The following COX19 variants were observed in gnomAD, a reference collection of about 807,000 sequenced individuals.
COX19 encodes cytochrome c oxidase assembly factor COX19, also known as cytochrome c oxidase assembly protein COX19.
COX19 carries 8 observed loss-of-function variants against 6.8 expected under a neutral mutation model. The observed-to-expected ratio is 1.18, with a 90% confidence interval of 0.69 to 2.12. The LOEUF is 2.12. Ranked by LOEUF, COX19 falls within the 30% of genes most tolerant of loss-of-function variation. COX19 has a pLI of 0.00. For synonymous variants in COX19, 51 were observed against 38.0 expected (o/e 1.34, Z -1.26); for missense variants, 131 against 104.6 (o/e 1.25, Z -1.10).
chr7:967,274 G>T lies in COX19; in HGVS notation c.*2104C>A, dbSNP rs1236231113. ...GGCTTCGGCACCTGCTGGGGTCTCG[G>T]AGCACACCCTGGCCAGGTGAGGGCG... On this transcript the variant is annotated 3_prime_UTR_variant, in exon 3 of 3. Coordinates refer to ENST00000344111, the MANE Select transcript of COX19 (RefSeq NM_001031617.3). The T allele has an allele frequency of 6.6e-6, 1 of 152,206 alleles. No homozygotes were observed. The highest frequency in any genetic ancestry group is 1.5e-5 in the Non-Finnish European group (1 of 68,040). The allele number at this position is 152,206 out of a possible 1,614,324, so 9.4% of individuals were successfully genotyped here.
chr7:969,788 G>A (rs899256711), intron 2 of COX19, among the ~76,000 whole-genome samples: 1 of 152,116 alleles, frequency 6.6e-6, no homozygotes, highest in South Asian at 2.1e-4. Context: ...ACAGCTTCAC[G>A]CTGACCTCTC....
rs1197963477 is a variant in COX19, at chr7:968,718, CA to C, written c.*659del. ...AAGACAGCTGGTGCGAGCCTAACTG[CA>C]AATGGACTCAGGTTCTTTTTCTGTT... On this transcript the variant is annotated 3_prime_UTR_variant, in exon 3 of 3. Coordinates refer to ENST00000344111, the MANE Select transcript of COX19 (RefSeq NM_001031617.3). The C allele has an allele frequency of 6.6e-6, 1 of 152,274 alleles. No homozygotes were observed. Among genetic ancestry groups the C allele is most frequent in the Non-Finnish European group, 1.5e-5 (1 of 68,062 alleles). The allele number at this position is 152,274 out of a possible 1,614,324, so 9.4% of individuals were successfully genotyped here. A position where few individuals can be genotyped will look rare whatever the true frequency, so the allele number is the denominator to read the frequency against.
chr7:969,306 C>G lies in COX19; in HGVS notation c.*72G>C. 1.0e-6 allele frequency: 1 copy of G among 977,492 alleles called. No individual in the cohort carries two copies. The allele number at this position is 977,492 out of a possible 1,614,324, so 60.6% of individuals were successfully genotyped here. A position where few individuals can be genotyped will look rare whatever the true frequency, so the allele number is the denominator to read the frequency against. ...GACACCACACGCAGGCCTCAGCCAA[C>G]CTAAGAGGCAGGATGATGCCCTCCG... On this transcript the variant is annotated 3_prime_UTR_variant, in exon 3 of 3. Transcript: ENST00000344111.
intron 1 of COX19, among the ~76,000 whole-genome samples, chr7:973,515 A>C (rs1038210502): frequency 5.3e-5 from 8 of 152,062 alleles, no homozygotes; most frequent in Non-Finnish European, 7.3e-5. Context: ...ACCAAAAAAA[A>C]CCTTAAAAGT....
Position 965,430 on chromosome 7 carries a change from G to A in COX19, c.*3948C>T, listed in dbSNP as rs1369896180. Among the ~76,000 whole-genome samples the A allele has an allele frequency of 6.6e-6, 1 of 152,184 alleles. No homozygotes were observed. The highest frequency in any genetic ancestry group is 1.5e-5 in the Non-Finnish European group (1 of 68,036). On this transcript the variant is annotated 3_prime_UTR_variant, in exon 3 of 3. Coordinates refer to ENST00000344111, the MANE Select transcript of COX19 (RefSeq NM_001031617.3). ...GGATTACATTCAGGCCATGCAGTTG[G>A]GCAAGAGAACCAGAGGTGATACCGT... is the stretch of plus-strand genomic sequence containing the variant.
At position 973,215 on chromosome 7, in the gene COX19, C is replaced by T. The variant is rs748747073; in HGVS notation, c.160G>A (p.Glu54Lys). 1.9e-6 allele frequency: 3 copies of T among 1,602,618 alleles called. No individual in the cohort carries two copies. Among genetic ancestry groups the T allele is most frequent in the East Asian group, 2.3e-5 (1 of 44,312 alleles). The change falls in exon 2 of 3, where the codon GAA becomes AAA. Residue 54 changes from glutamate to lysine, a missense_variant. By Grantham distance (56) the Glu-to-Lys change is moderately conservative. Coordinates refer to ENST00000344111, the MANE Select transcript of COX19 (RefSeq NM_001031617.3). ...NNFENALCRK[E>K]SKEYLECRME... is the part of the protein sequence containing the mutation. ...CTGCATTCTAAATATTCTTTTGATT[C>T]CTTTCTGCACAAAGCATTTTCAAAA...
intron 1 of COX19, 67 bp downstream of exon 1, chr7:975,361 C>T: frequency 7.6e-7 from 1 of 1,316,392 alleles, no homozygotes; most frequent in Middle Eastern, 2.0e-4. Flanking sequence ...CCCCATAGGG[C>T]TCCGCGCTGG....
chr7:967,712 C>T lies in COX19; in HGVS notation c.*1666G>A, dbSNP rs1459560174. ...CTCTGCCATGACAGCCAGAACTCCA[C>T]CCCCAGGGGTGCTCGGAGGGGCTCG... On this transcript the variant is annotated 3_prime_UTR_variant, in exon 3 of 3. Coordinates refer to ENST00000344111, the MANE Select transcript of COX19 (RefSeq NM_001031617.3). 6.6e-6 allele frequency: 1 copy of T among 152,376 alleles called. No individual in the cohort carries two copies. Among genetic ancestry groups the T allele is most frequent in the African/African-American group, 2.4e-5 (1 of 41,478 alleles). The allele number at this position is 152,376 out of a possible 1,614,324, so 9.4% of individuals were successfully genotyped here.
At chr7:973,119 GAA>G in intron 2 of COX19, 60 bp downstream of exon 2, 2 of 1,181,496 alleles carry the variant, frequency 1.7e-6, no homozygotes, top group Non-Finnish European at 2.3e-6. Context: ...GGCCTTTCAG[GAA>G]AAAAAAAGTT....
At chr7:975,299 G>A (rs1230531143) in intron 1 of COX19, 129 bp downstream of exon 1, 4 of 675,008 alleles carry the variant, frequency 5.9e-6, no homozygotes, top group Non-Finnish European at 9.7e-6. Flanking sequence ...GGGGCGGAGG[G>A]GCGGGCCGCC....
intron 2 of COX19, among the ~76,000 whole-genome samples, chr7:970,196 G>A (rs893478863): frequency 6.7e-6 from 1 of 148,772 alleles, no homozygotes; most frequent in Non-Finnish European, 1.5e-5. Context: ...GTGCAGTGGT[G>A]CAATCTCGGC....
At chr7:975,403 T>A in intron 1 of COX19, 25 bp downstream of exon 1, 3 of 1,559,588 alleles carry the variant, frequency 1.9e-6, no homozygotes, top group Non-Finnish European at 2.6e-6. Flanking sequence ...CGCAGACCCC[T>A]GCCCGCCGAC....
chr7:973,316 T>C, intron 1 of COX19, 24 bp from the exon 2 acceptor site: 1 of 1,553,730 alleles, frequency 6.4e-7, no homozygotes, highest in South Asian at 1.2e-5. Flanking sequence ...GAAAACAGCA[T>C]GTTCTTTTCA....
chr7:970,719 G>A (rs1170815852), intron 2 of COX19, among the ~76,000 whole-genome samples: 1 of 152,064 alleles, frequency 6.6e-6, no homozygotes, highest in Non-Finnish European at 1.5e-5. Flanking sequence ...ACGGGCGTGA[G>A]CCACTGCACC....
rs1847602088 is a variant in COX19, at chr7:969,260, T to C, written c.*118A>G. 2 of 713,266 alleles carry C rather than the reference T, an allele frequency of 2.8e-6. No homozygotes were observed. The highest frequency in any genetic ancestry group is 1.8e-5 in the African/African-American group (1 of 56,340). The allele number at this position is 713,266 out of a possible 1,614,324, so 44.2% of individuals were successfully genotyped here. A position where few individuals can be genotyped will look rare whatever the true frequency, so the allele number is the denominator to read the frequency against. On this transcript the variant is annotated 3_prime_UTR_variant, in exon 3 of 3. Transcript: ENST00000344111. ...GACGCCCCCACAGGGCTGGAGCTTC[T>C]ATTCGAAGCCCATTTCTAAGGACAC...
intron 1 of COX19, 23 bp downstream of exon 1, chr7:975,405 C>T: frequency 6.4e-7 from 1 of 1,561,814 alleles, no homozygotes; most frequent in Non-Finnish European, 8.7e-7. Flanking sequence ...CAGACCCCTG[C>T]CCGCCGACCT....
chr7:971,374 C>T (rs958697057), intron 2 of COX19, among the ~76,000 whole-genome samples: 2 of 152,186 alleles, frequency 1.3e-5, no homozygotes, highest in East Asian at 1.9e-4. Flanking sequence ...AAAGTAATGT[C>T]TAGGATTTTA....
In COX19 at chr7:967,841, A is replaced by T. The variant is rs1847580946; in HGVS notation, c.*1537T>A. 3.9e-5 allele frequency: 6 copies of T among 152,272 alleles called. No homozygotes were observed. The highest frequency in any genetic ancestry group is 3.9e-4 in the Admixed American group (6 of 15,290). The allele number at this position is 152,272 out of a possible 1,614,324, so 9.4% of individuals were successfully genotyped here. A position where few individuals can be genotyped will look rare whatever the true frequency, so the allele number is the denominator to read the frequency against. On this transcript the variant is annotated 3_prime_UTR_variant, in exon 3 of 3. Coordinates refer to ENST00000344111, the MANE Select transcript of COX19 (RefSeq NM_001031617.3). Reference sequence around the variant, plus strand: ...ACTTCACAGTAAGCTCACGCCATATAGCCGCACTGCGTTGGCGAGCTCATG... The same window carrying T: ...ACTTCACAGTAAGCTCACGCCATATTGCCGCACTGCGTTGGCGAGCTCATG...
chr7:967,238 G>A lies in COX19; in HGVS notation c.*2140C>T, dbSNP rs1847568383. On this transcript the variant is annotated 3_prime_UTR_variant, in exon 3 of 3. Transcript: ENST00000344111. ...AAAAACAGCGCCTGGACAGGATTCGGGACTATCCGCGGCTTCGGCACCTGC... is the reference window on the plus strand; with the variant it reads ...AAAAACAGCGCCTGGACAGGATTCGAGACTATCCGCGGCTTCGGCACCTGC... 1 of 152,156 alleles carries A rather than the reference G, an allele frequency of 6.6e-6. No individual in the cohort carries two copies. Among genetic ancestry groups the A allele is most frequent in the South Asian group, 2.1e-4 (1 of 4,834 alleles). 9.4% of individuals were successfully genotyped at this position (152,156 alleles called of 1,614,324 possible).
Sources: allele counts gnomAD v4.1 joint callset (sites outside exome capture counted in the v4.1 genomes callset), GRCh38; gene constraint gnomAD v4.1.1; transcripts MANE v1.5; gene names NCBI Gene and HGNC (gene_info 2026-07-23, HGNC 2026-07-21).